The following MCOLN1 variants were observed in gnomAD, a reference collection of about 807,000 sequenced individuals.
MCOLN1 encodes the protein mucolipin-1.
A neutral mutation model predicts 70.3 loss-of-function variants in MCOLN1; 50 were observed. That is an observed-to-expected ratio of 0.71 (90% CI 0.57 to 0.90). The LOEUF (loss-of-function observed/expected upper bound fraction) is 0.90, where lower values mean the gene tolerates loss of function less well. Among genes scored for constraint, MCOLN1 ranks in the 40% least tolerant of loss-of-function variants. MCOLN1 has a pLI of 0.00. For missense variants in MCOLN1, 598 were observed against 803.5 expected (o/e 0.74, Z 3.09); for synonymous variants, 366 against 341.0 (o/e 1.07, Z -0.81).
In MCOLN1 at chr19:7,526,746, C is replaced by T; in HGVS notation, c.406-15C>T. On this transcript the variant is annotated splice_polypyrimidine_tract_variant and intron_variant, in intron 3 of 13. Transcript: ENST00000264079. The surrounding 1 kb of genome is among the most constrained non-coding windows in gnomAD (Gnocchi z 4.6). ...GCGGGCCGGACTCACAGGCCCTCCC[C>T]TTCTCTGCCCACAGTACCTGGCGTT... is the stretch of plus-strand genomic sequence containing the variant. The T allele has an allele frequency of 6.2e-7, 1 of 1,613,396 alleles. No individual in the cohort carries two copies. The highest frequency in any genetic ancestry group is 8.5e-7 in the Non-Finnish European group (1 of 1,180,008).
intron 10 of MCOLN1, 71 bp from the exon 11 acceptor site, chr19:7,529,519 C>T (rs1392958035): frequency 5.1e-6 from 7 of 1,372,482 alleles, no homozygotes; most frequent in South Asian, 1.2e-5. Context: ...CCTCCCACCC[C>T]CATCTGGGTG....
rs962799589 is a variant in MCOLN1, at chr19:7,524,266, T to C, written c.32-695T>C. ...GGGATTTGATGCTAGGGCTGCATGA[T>C]TTCTAGGAGCTGGTGCTTTTCAGGG... is the stretch of plus-strand genomic sequence containing the variant. On this transcript the variant is annotated intron_variant, in intron 1 of 13. Transcript: ENST00000264079. This position sits in a 1 kb window ranked among gnomAD's most constrained non-coding sequence, Gnocchi z 4.1. Among the ~76,000 whole-genome samples the C allele has an allele frequency of 5.9e-5, 9 of 152,168 alleles. No individual in the cohort carries two copies. Among genetic ancestry groups the C allele is most frequent in the African/African-American group, 2.2e-4 (9 of 41,434 alleles).
intron 11 of MCOLN1, 102 bp from the exon 12 acceptor site, chr19:7,530,184 A>G (rs62111284): frequency 2.2e-4 from 114 of 517,504 alleles, no homozygotes; most frequent in Non-Finnish European, 3.1e-4. Flanking sequence ...GTGGGGCCCC[A>G]GCCACCAGCT....
At position 7,527,548 on chromosome 19, in the gene MCOLN1, GC is replaced by G; in HGVS notation, c.605del (p.Pro202LeufsTer36). ...GCATCCAGGTGGATCCCCCCGAGCGGCCCCCTCCGCCCCCCAGCGACGATCT... is the reference window on the plus strand; with the variant it reads ...GCATCCAGGTGGATCCCCCCGAGCGGCCCCTCCGCCCCCCAGCGACGATCT... ...DCIQVDPPER[P>X]PPPPSDDLTL... On this transcript the variant is annotated frameshift_variant, in exon 5 of 14. Transcript: ENST00000264079. LOFTEE classifies it high-confidence loss of function. 6.2e-7 allele frequency: 1 copy of G among 1,600,060 alleles called. No individual in the cohort carries two copies. The highest frequency in any genetic ancestry group is 8.6e-7 in the Non-Finnish European group (1 of 1,167,170).
At chr19:7,529,509 C>CCCCCCCCCCCCCCCAGGGGG in intron 10 of MCOLN1, 81 bp from the exon 11 acceptor site, 1 of 816,978 alleles carries the variant, frequency 1.2e-6, no homozygotes, top group Non-Finnish European at 2.0e-6. Context: ...AGGCCCCGCC[C>CCCCCCCCCCCCCCCAGGGGG]CTCCCACCCC....
In MCOLN1 at chr19:7,527,271, C is replaced by CA. The variant is rs562144613; in HGVS notation, c.572-225dup. The CA allele has an allele frequency of 0.12, 28,117 of 228,128 alleles. 53 individuals are homozygous for CA. Among genetic ancestry groups the CA allele is most frequent in the South Asian group, 0.15 (4,908 of 31,872 alleles). The allele number at this position is 228,128 out of a possible 1,614,324, so 14.1% of individuals were successfully genotyped here. Reference sequence around the variant, plus strand: ...TGGGTGACAGAGTGAGACCCTGTCTCAAAAAAAAAAAAAAAAAAAAAAAAC... The same window carrying CA: ...TGGGTGACAGAGTGAGACCCTGTCTCAAAAAAAAAAAAAAAAAAAAAAAAAC... On this transcript the variant is annotated intron_variant, in intron 4 of 13. Coordinates refer to ENST00000264079, the MANE Select transcript of MCOLN1 (RefSeq NM_020533.3).
Position 7,526,994 on chromosome 19 carries a change from G to T in MCOLN1, c.571+68G>T. 3 of 1,598,622 alleles carry T rather than the reference G, an allele frequency of 1.9e-6. No individual in the cohort carries two copies. The highest frequency in any genetic ancestry group is 2.6e-6 in the Non-Finnish European group (3 of 1,168,206). On this transcript the variant is annotated intron_variant, in intron 4 of 13. Coordinates refer to ENST00000264079, the MANE Select transcript of MCOLN1 (RefSeq NM_020533.3). This position sits in a 1 kb window ranked among gnomAD's most constrained non-coding sequence, Gnocchi z 4.6. ...GCTGGGATTAAAATCAACAGCTGTG[G>T]CTGGGCACGGTGGCTCACGCCTATA...
At position 7,530,508 on chromosome 19, in the gene MCOLN1, C is replaced by A. The variant is rs201375224; in HGVS notation, c.1575+7C>A. The A allele has an allele frequency of 6.2e-7, 1 of 1,607,114 alleles. No individual in the cohort carries two copies. Among genetic ancestry groups the A allele is most frequent in the Middle Eastern group, 1.7e-4 (1 of 6,060 alleles). ...CGCCTACGACACCATCAAGGTCAGC[C>A]GCATGCACCCAGCCCTGAGCTCGGG... On this transcript the variant is annotated splice_region_variant and intron_variant, in intron 12 of 13. Coordinates refer to ENST00000264079, the MANE Select transcript of MCOLN1 (RefSeq NM_020533.3).
Position 7,526,604 on chromosome 19 carries a change from C to T in MCOLN1, c.403C>T (p.Gln135Ter). 1 of 1,610,764 alleles carries T rather than the reference C, an allele frequency of 6.2e-7. No homozygotes were observed. Among genetic ancestry groups the T allele is most frequent in the Non-Finnish European group, 8.5e-7 (1 of 1,179,074 alleles). The stretch of plus-strand genomic sequence containing the variant: ...CCAGGCCATCTTCCATGCTGTGGAC[C>T]AGGTGCTGGTGGGCGGGCAGGTGCT... ...LYQAIFHAVD[Q>*]YLALPDVSLG... Residue 135 changes from glutamine (Q) to a stop codon, truncating the protein, a stop_gained and splice_region_variant, in exon 3 of 14, where the codon CAG becomes TAG. Transcript: ENST00000264079. LOFTEE classifies it high-confidence loss of function. This position sits in a 1 kb window ranked among gnomAD's most constrained non-coding sequence, Gnocchi z 4.6.
intron 5 of MCOLN1, 53 bp from the exon 6 acceptor site, chr19:7,527,811 G>T (rs945604199): frequency 4.9e-6 from 7 of 1,439,716 alleles, no homozygotes; most frequent in African/African-American, 1.4e-5. Flanking sequence ...TGGCACTTGG[G>T]GCCGGAAGGG....
In MCOLN1 at chr19:7,524,896, G is replaced by T; in HGVS notation, c.32-65G>T. The T allele has an allele frequency of 3.6e-6, 5 of 1,372,220 alleles. No homozygotes were observed. The highest frequency in any genetic ancestry group is 5.2e-6 in the Non-Finnish European group (5 of 966,110). 85.0% of individuals were successfully genotyped at this position (1,372,220 alleles called of 1,614,324 possible). A position where few individuals can be genotyped will look rare whatever the true frequency, so the allele number is the denominator to read the frequency against. On this transcript the variant is annotated intron_variant, in intron 1 of 13. Transcript: ENST00000264079. This position sits in a 1 kb window ranked among gnomAD's most constrained non-coding sequence, Gnocchi z 4.1. ...AGATAGGGCGTGTGCTGCCTTCCTG[G>T]TTGGAGAAAGGGGAAAAGGGGAGTT...
In MCOLN1 at chr19:7,525,772, G is replaced by T. The variant is rs2022559759; in HGVS notation, c.237+606G>T. On this transcript the variant is annotated intron_variant, in intron 2 of 13. Coordinates refer to ENST00000264079, the MANE Select transcript of MCOLN1 (RefSeq NM_020533.3). The surrounding 1 kb of genome is among the most constrained non-coding windows in gnomAD (Gnocchi z 4.2). ...GCCTCTAATTTTCCCTCTGAAAAGG[G>T]ACCCAATTGTCCAGGCATGGTGGCT... 1 of 169,242 alleles carries T rather than the reference G, an allele frequency of 5.9e-6. No homozygotes were observed. The highest frequency in any genetic ancestry group is 1.4e-4 in the South Asian group (1 of 7,144). The allele number at this position is 169,242 out of a possible 1,614,324, so 10.5% of individuals were successfully genotyped here.
rs140151993 is a variant in MCOLN1 at position 7,530,489 on chromosome 19, C to T, written c.1563C>T (p.Tyr521=). The T allele has an allele frequency of 6.8e-5, 109 of 1,609,790 alleles. 1 individual carries two copies. In the South Asian group the frequency reaches 7.2e-4, roughly 11 times the overall value. ...SLFIALITGA[Y]DTIKHPGGAG... ...TCATCGCGCTCATCACCGGCGCCTA[C>T]GACACCATCAAGGTCAGCCGCATGC... Residue 521 remains tyrosine, a synonymous_variant, in exon 12 of 14, where the codon TAC becomes TAT. Transcript: ENST00000264079.
chr19:7,525,928 T>G lies in MCOLN1; in HGVS notation c.238-511T>G, dbSNP rs2022561397. 5.4e-6 allele frequency: 1 copy of G among 183,704 alleles called. No individual in the cohort carries two copies. The highest frequency in any genetic ancestry group is 1.2e-5 in the Non-Finnish European group (1 of 85,952). The allele number at this position is 183,704 out of a possible 1,614,324, so 11.4% of individuals were successfully genotyped here. A position where few individuals can be genotyped will look rare whatever the true frequency, so the allele number is the denominator to read the frequency against. On this transcript the variant is annotated intron_variant, in intron 2 of 13. Transcript: ENST00000264079. This position sits in a 1 kb window ranked among gnomAD's most constrained non-coding sequence, Gnocchi z 4.2. ...AAATACAAAAATTAGCTGGGTTTGGTGGCAGGTACCTGTAACTCAGCTACT... is the reference window on the plus strand; with the variant it reads ...AAATACAAAAATTAGCTGGGTTTGGGGGCAGGTACCTGTAACTCAGCTACT...
rs566285864 is a variant in MCOLN1 at position 7,528,889 on chromosome 19, C to T, written c.1053C>T (p.Val351=). The change falls in exon 9 of 14, where the codon GTC becomes GTT. Residue 351 remains valine (V), a synonymous_variant. Coordinates refer to ENST00000264079, the MANE Select transcript of MCOLN1 (RefSeq NM_020533.3). The surrounding 1 kb of genome is among the most constrained non-coding windows in gnomAD (Gnocchi z 4.2). Reference sequence around the variant, plus strand: ...GCCTGTGGGAGCGGCTGGAATTTGTCAATGGCTGGTACATCCTGCTCGTCA... The same window carrying T: ...GCCTGTGGGAGCGGCTGGAATTTGTTAATGGCTGGTACATCCTGCTCGTCA... ...VISLWERLEF[V]NGWYILLVTS... 9.3e-6 allele frequency: 15 copies of T among 1,614,170 alleles called. No homozygotes were observed. The East Asian group carries it at 2.5e-4, about 26-fold the overall frequency.
intron 1 of MCOLN1, among the ~76,000 whole-genome samples, chr19:7,523,773 A>G (rs986603346): frequency 1.1e-4 from 16 of 152,254 alleles, no homozygotes; most frequent in African/African-American, 3.4e-4. Context: ...TGTTTGCTGA[A>G]GAGGTCTTTA....
In MCOLN1 at chr19:7,526,320, G is replaced by A. The variant is rs896029128; in HGVS notation, c.238-119G>A. 15 of 1,211,872 alleles carry A rather than the reference G, an allele frequency of 1.2e-5. No individual in the cohort carries two copies. The highest frequency in any genetic ancestry group is 1.6e-5 in the Non-Finnish European group (13 of 816,928). The allele number at this position is 1,211,872 out of a possible 1,614,324, so 75.1% of individuals were successfully genotyped here. A position where few individuals can be genotyped will look rare whatever the true frequency, so the allele number is the denominator to read the frequency against. On this transcript the variant is annotated intron_variant, in intron 2 of 13. Coordinates refer to ENST00000264079, the MANE Select transcript of MCOLN1 (RefSeq NM_020533.3). The surrounding 1 kb of genome is among the most constrained non-coding windows in gnomAD (Gnocchi z 4.6). ...TTGTGGCCCAAGTTAGCAGGGCCCT[G>A]CCCCACCCCAGTGGACATCTGCAGG...
intron 12 of MCOLN1, among the ~76,000 whole-genome samples, chr19:7,532,764 T>C (rs1599257476): frequency 6.6e-6 from 1 of 152,258 alleles, no homozygotes; most frequent in East Asian, 1.9e-4. Context: ...TGAAGTACAA[T>C]TGCAAATTTA....
intron 5 of MCOLN1, 38 bp from the exon 6 acceptor site, chr19:7,527,826 G>A (rs370621658): frequency 2.6e-6 from 4 of 1,529,314 alleles, no homozygotes; most frequent in South Asian, 1.1e-5. Context: ...GAAGGGACCC[G>A]AAGACGCCCC....
Sources: gnomAD v4.1 joint callset for allele counts (sites outside exome capture counted in the v4.1 genomes callset) on GRCh38, gnomAD v4.1.1 for gene constraint, Gnocchi (gnomAD v3.1) non-coding constraint, MANE v1.5 for transcripts, NCBI Gene and HGNC (gene_info 2026-07-23, HGNC 2026-07-21) for gene names.